Variants in ULK2 observed in about 807,000 individuals in gnomAD.
ULK2 encodes the protein serine/threonine-protein kinase ULK2.
In ULK2, 76 loss-of-function variants were observed where a neutral mutation model predicts 127.5. The observed-to-expected ratio is 0.60, with a 90% CI of 0.50 to 0.72. ULK2 has a LOEUF of 0.72. ULK2 is among the 30% of genes least tolerant of loss of function. The pLI is 0.00. For synonymous variants in ULK2, 452 were observed against 461.9 expected (o/e 0.98, Z 0.28); for missense variants, 1,144 against 1,295.9 (o/e 0.88, Z 1.80).
intron 3 of ULK2, among the ~76,000 whole-genome samples, chr17:19,862,487 A>G (rs1445984459): frequency 6.6e-6 from 1 of 151,154 alleles, no homozygotes; most frequent in Non-Finnish European, 1.5e-5. Flanking sequence ...TTTGTTTGAG[A>G]TGGAGTTTCG....
At chr17:19,851,108 T>A (rs1597810350) in intron 3 of ULK2, among the ~76,000 whole-genome samples, 2 of 147,152 alleles carry the variant, frequency 1.4e-5, no homozygotes, top group South Asian at 4.3e-4. Context: ...AGCTAAGGAG[T>A]TCGAGACCAG....
At chr17:19,848,568 G>A (rs1475992205) in intron 5 of ULK2, among the ~76,000 whole-genome samples, 2 of 152,128 alleles carry the variant, frequency 1.3e-5, no homozygotes, top group African/African-American at 4.8e-5. Flanking sequence ...CACGAGGTCA[G>A]GAGTTCGAGA....
At chr17:19,851,159 CAAAA>C (rs758540102) in intron 3 of ULK2, among the ~76,000 whole-genome samples, 1 of 104,958 alleles carries the variant, frequency 9.5e-6, no homozygotes, top group African/African-American at 3.4e-5. Context: ...ATAAAAATAC[CAAAA>C]AAAAAAAAAA....
In ULK2 at chr17:19,826,166, A is replaced by T; in HGVS notation, c.808T>A (p.Phe270Ile). Reference sequence around the variant, plus strand: ...TTTTTTACTGGACCTTGCTCAAGAAAAGGATGGCTAAAAAATGCTTCTGTA... The same window carrying T: ...TTTTTTACTGGACCTTGCTCAAGAATAGGATGGCTAAAAAATGCTTCTGTA... ...MDFEAFFSHP[F>I]LEQGPVKKSC... The change falls in exon 11 of 27, where the codon TTT becomes ATT. Residue 270 changes from phenylalanine to isoleucine, a missense_variant. Physicochemically the swap from Phe to Ile is conservative, Grantham distance 21. This residue lies in a region of ULK2 where 913 missense variants were observed against 970.5 expected (regional missense o/e 0.94). Coordinates refer to ENST00000395544, the MANE Select transcript of ULK2 (RefSeq NM_014683.4). 5 of 1,474,212 alleles carry T rather than the reference A, an allele frequency of 3.4e-6. No individual in the cohort carries two copies. Among genetic ancestry groups the T allele is most frequent in the Non-Finnish European group, 3.6e-6 (4 of 1,102,846 alleles). 91.3% of individuals were successfully genotyped at this position (1,474,212 alleles called of 1,614,324 possible). A position where few individuals can be genotyped will look rare whatever the true frequency, so the allele number is the denominator to read the frequency against.
intron 12 of ULK2, among the ~76,000 whole-genome samples, chr17:19,818,441 T>C (rs1249013635): frequency 2.0e-5 from 3 of 152,172 alleles, no homozygotes; most frequent in Non-Finnish European, 4.4e-5. Flanking sequence ...CAAGCTGAGA[T>C]GTGATTCTAA....
intron 10 of ULK2, among the ~76,000 whole-genome samples, chr17:19,830,776 C>T (rs2041419782): frequency 6.6e-6 from 1 of 152,054 alleles, no homozygotes; most frequent in Non-Finnish European, 1.5e-5. Flanking sequence ...GCCTATAATC[C>T]CAGCACTTTG....
chr17:19,789,962 C>G (rs1036672608), intron 20 of ULK2, among the ~76,000 whole-genome samples: 1 of 143,732 alleles, frequency 7.0e-6, no homozygotes, highest in Admixed American at 6.9e-5. Flanking sequence ...GTAGAAAAGA[C>G]TAAACAATGA....
intron 9 of ULK2, among the ~76,000 whole-genome samples, chr17:19,839,099 C>G (rs2041672143): frequency 1.3e-5 from 2 of 151,888 alleles, no homozygotes; most frequent in East Asian, 3.9e-4. Flanking sequence ...TGAGAAGATT[C>G]CTGTATTGTG....
chr17:19,771,430 T>G lies in ULK2; in HGVS notation c.*4919A>C, dbSNP rs760977985. ...AAGCAACTTCTATGCAAGAACTGTG[T>G]CCTTTCAGAAGCTCCAGCCAGAGCG... On this transcript the variant is annotated 3_prime_UTR_variant, in exon 27 of 27. Coordinates refer to ENST00000395544, the MANE Select transcript of ULK2 (RefSeq NM_014683.4). 1 of 152,210 alleles carries G rather than the reference T, an allele frequency of 6.6e-6. No homozygotes were observed. Among genetic ancestry groups the G allele is most frequent in the Non-Finnish European group, 1.5e-5 (1 of 68,046 alleles). 9.4% of individuals were successfully genotyped at this position (152,210 alleles called of 1,614,324 possible).
chr17:19,816,559 A>G (rs915265034), intron 13 of ULK2, 190 bp downstream of exon 13: 2 of 422,322 alleles, frequency 4.7e-6, no homozygotes, highest in Non-Finnish European at 7.8e-6. Context: ...ATCCAAAATT[A>G]TTGTTTAATA....
At chr17:19,799,199 A>T (rs189729212) in intron 17 of ULK2, among the ~76,000 whole-genome samples, 1 of 152,178 alleles carries the variant, frequency 6.6e-6, no homozygotes, top group Non-Finnish European at 1.5e-5. Context: ...CAATAGTATT[A>T]AAGTAATAAA....
intron 20 of ULK2, among the ~76,000 whole-genome samples, chr17:19,795,398 G>T (rs568691782): frequency 7.5e-6 from 1 of 133,292 alleles, no homozygotes; most frequent in African/African-American, 2.8e-5. Context: ...CCTTCCATTA[G>T]TAACGCACAG....
rs1205892705 is a variant in ULK2, at chr17:19,775,327, A to G, written c.*1022T>C. On this transcript the variant is annotated 3_prime_UTR_variant, in exon 27 of 27. Coordinates refer to ENST00000395544, the MANE Select transcript of ULK2 (RefSeq NM_014683.4). ...AGAAAACGAACTTCATTTTCCACTC[A>G]CTGCATGTAGGAACTCCACATCACT... The G allele has an allele frequency of 6.6e-6, 1 of 152,536 alleles. No homozygotes were observed. The highest frequency in any genetic ancestry group is 1.5e-5 in the Non-Finnish European group (1 of 68,020). 9.4% of individuals were successfully genotyped at this position (152,536 alleles called of 1,614,324 possible).
chr17:19,827,615 A>AT (rs1402033931), intron 10 of ULK2, among the ~76,000 whole-genome samples: 1 of 152,216 alleles, frequency 6.6e-6, no homozygotes, highest in Non-Finnish European at 1.5e-5. Flanking sequence ...TTTACCTAAG[A>AT]TAAGAATTAG....
chr17:19,817,414 T>C (rs1368302865), intron 12 of ULK2, among the ~76,000 whole-genome samples: 1 of 152,036 alleles, frequency 6.6e-6, no homozygotes, highest in Non-Finnish European at 1.5e-5. Flanking sequence ...AATAGACAAA[T>C]CAGGAAGGGT....
intron 10 of ULK2, among the ~76,000 whole-genome samples, chr17:19,827,812 A>G (rs2041332008): frequency 6.6e-6 from 1 of 151,762 alleles, no homozygotes; most frequent in African/African-American, 2.4e-5. Flanking sequence ...CAGGAGGCTG[A>G]GGCAGGGGAA....
In ULK2 at chr17:19,783,289, A is replaced by G. The variant is rs747959813; in HGVS notation, c.2460+408T>C. ...AACATGGTGAAACCCCGTCTCTACT[A>G]AAAATACAAAAATTAGCCGGGCATG... On this transcript the variant is annotated intron_variant, in intron 22 of 26. Coordinates refer to ENST00000395544, the MANE Select transcript of ULK2 (RefSeq NM_014683.4). 2.2e-4 allele frequency among the ~76,000 whole-genome samples: 33 copies of G among 152,146 alleles called. 1 individual carries two copies. Among genetic ancestry groups the G allele is most frequent in the Middle Eastern group, 3.4e-3 (1 of 294 alleles).
intron 20 of ULK2, among the ~76,000 whole-genome samples, chr17:19,790,659 A>T (rs1280187928): frequency 6.6e-6 from 1 of 152,200 alleles, no homozygotes; most frequent in Admixed American, 6.5e-5. Flanking sequence ...TTACCAATAC[A>T]AACATTGAAT....
At chr17:19,813,547 T>C (rs996540850) in intron 13 of ULK2, among the ~76,000 whole-genome samples, 1 of 152,200 alleles carries the variant, frequency 6.6e-6, no homozygotes, top group African/African-American at 2.4e-5. Flanking sequence ...CTTGTATGTA[T>C]GATACATTTC....
Sources: gnomAD v4.1 joint callset for allele counts (sites outside exome capture counted in the v4.1 genomes callset) on GRCh38, gnomAD v4.1.1 for gene constraint, gnomAD v4.1.1 regional missense constraint, MANE v1.5 for transcripts, NCBI Gene and HGNC (gene_info 2026-07-23, HGNC 2026-07-21) for gene names.